The following ARPC3 variants were observed in gnomAD, a reference collection of about 807,000 sequenced individuals.
ARPC3 encodes the protein actin related protein 2/3 complex subunit 3, also known as actin-related protein 2/3 complex subunit 3.
A neutral mutation model predicts 27.6 loss-of-function variants in ARPC3; 12 were observed. The ratio of observed to expected loss-of-function variants is 0.43; its 90% CI spans 0.28 to 0.70. ARPC3 has a LOEUF of 0.70. Ranked by LOEUF, ARPC3 falls within the 30% of genes least tolerant of loss-of-function variation. ARPC3 has a pLI of 0.17. For synonymous variants in ARPC3, 53 were observed against 67.2 expected, an observed-to-expected ratio of 0.79 and a Z score of 1.03; for missense variants, 153 against 207.7, an observed-to-expected ratio of 0.74 and a Z score of 1.62.
At chr12:110,442,618 TA>T (rs1301736754) in intron 2 of ARPC3, 1 of 151,336 alleles carries the variant, frequency 6.6e-6, no homozygotes, top group Non-Finnish European at 1.5e-5. Context: ...AAAAAAGTAA[TA>T]ATAAAAAATA....
At chr12:110,440,419 G>C (rs777595406) in intron 2 of ARPC3, 31 bp from the exon 3 acceptor site, 2 of 1,446,450 alleles carry the variant, frequency 1.4e-6, no homozygotes, top group Non-Finnish European at 1.9e-6. Context: ...GGAGCACAGA[G>C]AACATTAGCC....
In ARPC3 at chr12:110,435,116, T is replaced by C. The variant is rs745801307; in HGVS notation, c.*39A>G. The stretch of plus-strand genomic sequence containing the variant: ...TTGTGTACATCTTGCTGGAAAATGC[T>C]GCCCAGGGCTCTGGAGACGGTGGCT... On this transcript the variant is annotated 3_prime_UTR_variant, in exon 7 of 7. Coordinates refer to ENST00000228825, the MANE Select transcript of ARPC3 (RefSeq NM_001278556.2). 13 of 1,541,704 alleles carry C rather than the reference T, an allele frequency of 8.4e-6. No homozygotes were observed. The Admixed American group carries it at 2.2e-4, about 26-fold the overall frequency.
At chr12:110,447,697 C>A (rs1216800145) in intron 1 of ARPC3, among the ~76,000 whole-genome samples, 1 of 151,960 alleles carries the variant, frequency 6.6e-6, no homozygotes, top group Non-Finnish European at 1.5e-5. Flanking sequence ...CGCTTGAACC[C>A]AGGAGGCAGA....
Position 110,445,538 on chromosome 12 carries a change from G to C in ARPC3, c.20C>G (p.Ser7Cys), listed in dbSNP as rs759917831. Residue 7 changes from serine to cysteine, a missense_variant, in exon 2 of 7, where the codon TCT becomes TGT. Ser to Cys is a moderately radical substitution (Grantham distance 112). Transcript: ENST00000228825. MPAYHS[S>C]LMDPDTKLIG... is the part of the protein sequence containing the mutation. The stretch of plus-strand genomic sequence containing the variant: ...GAGTTTGGTATCAGGATCCATGAGA[G>C]AAGAGTGGTAAGCCTGTAATGGCAA... The C allele has an allele frequency of 6.2e-7, 1 of 1,612,622 alleles. No homozygotes were observed.
At chr12:110,445,664 G>A in intron 1 of ARPC3, 113 bp from the exon 2 acceptor site, 2 of 788,704 alleles carry the variant, frequency 2.5e-6, no homozygotes, top group East Asian at 5.0e-5. Context: ...ATTAATTAGG[G>A]GAGGGAGAAG....
At chr12:110,438,343 T>C (rs1289137679) in intron 3 of ARPC3, among the ~76,000 whole-genome samples, 1 of 148,726 alleles carries the variant, frequency 6.7e-6, no homozygotes, top group Admixed American at 6.7e-5. Context: ...CCCACACCTG[T>C]AATCCCAACA....
rs746419058 is a variant in ARPC3 at position 110,450,307 on chromosome 12, A to G, written c.-47T>C. On this transcript the variant is annotated 5_prime_UTR_variant, in exon 1 of 7. Transcript: ENST00000228825. ...ACCCAGAGGAGCAGGATCCAGGTAC[A>G]GCGGAGCGCTTCCGGTCTGGCAGCC... 5 of 1,613,522 alleles carry G rather than the reference A, an allele frequency of 3.1e-6. No individual in the cohort carries two copies. In the South Asian group the frequency reaches 3.3e-5, roughly 11 times the overall value.
At chr12:110,439,183 G>A (rs1042748785) in intron 3 of ARPC3, among the ~76,000 whole-genome samples, 4 of 150,940 alleles carry the variant, frequency 2.7e-5, no homozygotes, top group Non-Finnish European at 4.4e-5. Flanking sequence ...ATGGGGTTTC[G>A]CTTTGTTGGC....
intron 1 of ARPC3, among the ~76,000 whole-genome samples, chr12:110,449,641 G>A (rs1184160532): frequency 6.6e-6 from 1 of 152,170 alleles, no homozygotes; most frequent in Non-Finnish European, 1.5e-5. Flanking sequence ...TGGAGACCAT[G>A]ACGGTGATAA....
chr12:110,436,711 T>TACACACAG, intron 4 of ARPC3, 28 bp from the exon 5 acceptor site: 1 of 380,312 alleles, frequency 2.6e-6, no homozygotes, highest in Non-Finnish European at 4.6e-6. Flanking sequence ...TATATATATA[T>TACACACAG]ACACACACAC....
chr12:110,437,333 C>T (rs2062411949), intron 3 of ARPC3, 181 bp from the exon 4 acceptor site: 1 of 587,708 alleles, frequency 1.7e-6, no homozygotes, highest in Non-Finnish European at 3.1e-6. Flanking sequence ...CCGTCTGCCC[C>T]TGGGAGGAAG....
chr12:110,449,232 G>A (rs933049180), intron 1 of ARPC3, among the ~76,000 whole-genome samples: 23 of 152,076 alleles, frequency 1.5e-4, no homozygotes, highest in Admixed American at 9.2e-4. Flanking sequence ...AATACAGCCT[G>A]GCAGGCAGCA....
At chr12:110,438,884 C>G (rs1408296870) in intron 3 of ARPC3, among the ~76,000 whole-genome samples, 1 of 151,886 alleles carries the variant, frequency 6.6e-6, no homozygotes, top group Non-Finnish European at 1.5e-5. Flanking sequence ...CTCAGGTGAT[C>G]CGCCCGCCTT....
At chr12:110,435,266 A>T in intron 6 of ARPC3, 49 bp from the exon 7 acceptor site, 4 of 1,350,706 alleles carry the variant, frequency 3.0e-6, no homozygotes, top group Non-Finnish European at 4.2e-6. Flanking sequence ...AAATTACAAT[A>T]GAATTTGCAT....
intron 6 of ARPC3, among the ~76,000 whole-genome samples, 188 bp downstream of exon 6, chr12:110,435,922 G>A (rs1049751181): frequency 2.6e-5 from 4 of 152,176 alleles, no homozygotes; most frequent in East Asian, 1.9e-4. Context: ...CACTGCGCCC[G>A]GCCTGCAATT....
chr12:110,435,709 C>T (rs1379524332), intron 6 of ARPC3, among the ~76,000 whole-genome samples: 2 of 152,008 alleles, frequency 1.3e-5, no homozygotes, highest in South Asian at 2.1e-4. Context: ...CTGCAACCTC[C>T]ACTTCCTGGG....
At chr12:110,441,789 G>C (rs1373264088) in intron 2 of ARPC3, among the ~76,000 whole-genome samples, 1 of 151,908 alleles carries the variant, frequency 6.6e-6, no homozygotes, top group Non-Finnish European at 1.5e-5. Context: ...CCAACACTTT[G>C]GGAGGCCGAG....
chr12:110,444,025 A>C (rs574451825), intron 2 of ARPC3, among the ~76,000 whole-genome samples: 2 of 150,478 alleles, frequency 1.3e-5, no homozygotes, highest in African/African-American at 4.9e-5. Flanking sequence ...GCTGGAGTGC[A>C]ATGACATGAT....
chr12:110,446,695 G>A (rs1317360164), intron 1 of ARPC3, among the ~76,000 whole-genome samples: 6 of 149,244 alleles, frequency 4.0e-5, no homozygotes, highest in Non-Finnish European at 7.4e-5. Flanking sequence ...TGCAACCTCC[G>A]CCTCCTGGGT....
Sources: gnomAD v4.1 joint callset for allele counts (sites outside exome capture counted in the v4.1 genomes callset) on GRCh38, gnomAD v4.1.1 for gene constraint, MANE v1.5 for transcripts, NCBI Gene and HGNC (gene_info 2026-07-23, HGNC 2026-07-21) for gene names.